KIZ: variants seen among roughly 807,000 people sequenced by gnomAD.
KIZ encodes the protein kizuna centrosomal protein, also known as centrosomal protein kizuna.
Under a neutral mutation model 79.6 loss-of-function variants are expected in KIZ, and 68 were observed. That is an observed-to-expected ratio of 0.85 (90% CI 0.70 to 1.05). The LOEUF (loss-of-function observed/expected upper bound fraction) is 1.05. KIZ is among the 50% of genes least tolerant of loss of function. The probability of loss-of-function intolerance (pLI) is 0.00; values close to 1 mark genes in which losing one functional copy is unlikely to be tolerated. For synonymous variants in KIZ, 280 were observed against 281.8 expected (o/e 0.99, Z 0.06); for missense variants, 797 against 800.4 (o/e 1.00, Z 0.05).
intron 6 of KIZ, among the ~76,000 whole-genome samples, chr20:21,200,097 A>G: frequency 6.6e-6 from 1 of 152,204 alleles, no homozygotes; most frequent in East Asian, 1.9e-4. Context: ...CTGGGATTAC[A>G]GGCATGAGCC....
intron 6 of KIZ, among the ~76,000 whole-genome samples, chr20:21,174,293 T>G (rs2034344259): frequency 2.0e-5 from 3 of 152,128 alleles, no homozygotes; most frequent in African/African-American, 7.2e-5. Context: ...CATCATCATT[T>G]TACAGATGAG....
chr20:21,175,389 C>T (rs1248191647), intron 6 of KIZ, among the ~76,000 whole-genome samples: 1 of 152,218 alleles, frequency 6.6e-6, no homozygotes, highest in African/African-American at 2.4e-5. Flanking sequence ...GCCATTGTCA[C>T]TTGGTGTATA....
intron 4 of KIZ, among the ~76,000 whole-genome samples, chr20:21,153,224 A>G (rs1202418472): frequency 6.6e-6 from 1 of 152,174 alleles, no homozygotes; most frequent in Non-Finnish European, 1.5e-5. Context: ...CACCGTCACC[A>G]CCATCATTAC....
intron 2 of KIZ, among the ~76,000 whole-genome samples, chr20:21,134,177 T>C (rs936531069): frequency 6.6e-6 from 1 of 152,172 alleles, no homozygotes; most frequent in Non-Finnish European, 1.5e-5. Context: ...GGGTGTCTCA[T>C]CCAGCAGCCC....
At chr20:21,182,223 ACAAG>A (rs1190066952) in intron 6 of KIZ, among the ~76,000 whole-genome samples, 1 of 152,130 alleles carries the variant, frequency 6.6e-6, no homozygotes, top group Non-Finnish European at 1.5e-5. Flanking sequence ...AAGAAGAGAC[ACAAG>A]AGAGCTCTGT....
At chr20:21,216,093 CCTGT>C (rs1427019652) in intron 9 of KIZ, among the ~76,000 whole-genome samples, 5 of 152,124 alleles carry the variant, frequency 3.3e-5, no homozygotes, top group African/African-American at 9.7e-5. Context: ...AGTTACAAAG[CCTGT>C]CTGATAATTT....
intron 9 of KIZ, among the ~76,000 whole-genome samples, chr20:21,223,188 G>C (rs997134048): frequency 1.3e-5 from 2 of 152,138 alleles, no homozygotes; most frequent in African/African-American, 4.8e-5. Context: ...AAAAGTTAAA[G>C]GTTTCCTGAG....
chr20:21,184,147 T>G (rs2122949409), intron 6 of KIZ, among the ~76,000 whole-genome samples: 1 of 126,142 alleles, frequency 7.9e-6, no homozygotes, highest in Admixed American at 8.0e-5. Flanking sequence ...CCCTGACATC[T>G]TTTTTTTTTT....
At chr20:21,176,038 G>A (rs773930008) in intron 6 of KIZ, among the ~76,000 whole-genome samples, 5 of 152,010 alleles carry the variant, frequency 3.3e-5, no homozygotes, top group Non-Finnish European at 5.9e-5. Context: ...GGCTGGGCAC[G>A]GTGGCTCACG....
intron 6 of KIZ, among the ~76,000 whole-genome samples, chr20:21,189,653 C>T (rs2035030320): frequency 1.3e-5 from 2 of 152,222 alleles, no homozygotes; most frequent in African/African-American, 4.8e-5. Context: ...GCTTGTGCAG[C>T]CTGTGCTACA....
intron 1 of KIZ, among the ~76,000 whole-genome samples, chr20:21,128,115 C>G (rs1163899858): frequency 6.6e-6 from 1 of 152,138 alleles, no homozygotes; most frequent in African/African-American, 2.4e-5. Flanking sequence ...CAGGTTCAAG[C>G]GATTGTCCTG....
chr20:21,244,296 A>C lies in KIZ; in HGVS notation c.1924+8A>C, dbSNP rs1487211708. 6.3e-7 allele frequency: 1 copy of C among 1,581,032 alleles called. No homozygotes were observed. Among genetic ancestry groups the C allele is most frequent in the Admixed American group, 1.7e-5 (1 of 59,272 alleles). ...TCAATTTAAAATCTAATGGTGAGAG[A>C]GATAATCGGACACTAGATTTTCTTT... On this transcript the variant is annotated splice_region_variant and intron_variant, in intron 12 of 12. Coordinates refer to ENST00000619189, the MANE Select transcript of KIZ (RefSeq NM_018474.6).
In KIZ at chr20:21,229,044, C is replaced by T. The variant is rs1191254110; in HGVS notation, c.1712C>T (p.Thr571Ile). The change falls in exon 10 of 13, where the codon ACC becomes ATC. Residue 571 changes from threonine (T) to isoleucine (I), a missense_variant. Transcript: ENST00000619189. ...TEAYQLLKKA[T>I]LQDNTNQTEN... The stretch of plus-strand genomic sequence containing the variant: ...GCCTATCAGTTGCTGAAGAAGGCCA[C>T]CCTTCAGGATAATACAAATCAAACT... 6.2e-7 allele frequency: 1 copy of T among 1,611,134 alleles called. No individual in the cohort carries two copies. The highest frequency in any genetic ancestry group is 8.5e-7 in the Non-Finnish European group (1 of 1,178,004).
intron 10 of KIZ, 102 bp downstream of exon 10, chr20:21,229,217 C>G (rs1440301843): frequency 3.0e-6 from 2 of 664,914 alleles, no homozygotes. Flanking sequence ...GGAGTTTGCT[C>G]TGTAACGAGC....
chr20:21,208,128 C>G (rs1461635376), intron 7 of KIZ, among the ~76,000 whole-genome samples: 2 of 152,176 alleles, frequency 1.3e-5, no homozygotes, highest in Non-Finnish European at 2.9e-5. Context: ...ACATCACATT[C>G]AGGCATTTTA....
At chr20:21,151,537 A>G (rs1256843940) in intron 4 of KIZ, 2 of 152,228 alleles carry the variant, frequency 1.3e-5, no homozygotes. Flanking sequence ...ATTTAACAAG[A>G]AAAAGATAAA....
intron 10 of KIZ, among the ~76,000 whole-genome samples, chr20:21,229,646 C>G (rs1474090695): frequency 6.6e-6 from 1 of 152,090 alleles, no homozygotes; most frequent in Non-Finnish European, 1.5e-5. Flanking sequence ...GGCATGATGG[C>G]TTACTGAAGC....
At chr20:21,187,479 A>G (rs1213791999) in intron 6 of KIZ, among the ~76,000 whole-genome samples, 1 of 152,204 alleles carries the variant, frequency 6.6e-6, no homozygotes, top group African/African-American at 2.4e-5. Context: ...GTGACATGGC[A>G]GCTTATTTCA....
chr20:21,164,110 C>T (rs16982525), intron 6 of KIZ, among the ~76,000 whole-genome samples: 2,408 of 152,234 alleles, frequency 0.016, 64 homozygotes, highest in African/African-American at 0.054. Flanking sequence ...TCTGTTACAC[C>T]GTAATGCTGG....
Sources: gnomAD v4.1 joint callset for allele counts (sites outside exome capture counted in the v4.1 genomes callset) on GRCh38, gnomAD v4.1.1 for gene constraint, MANE v1.5 for transcripts, NCBI Gene and HGNC (gene_info 2026-07-23, HGNC 2026-07-21) for gene names.